The following GPM6A variants were observed in gnomAD, a reference collection of about 807,000 sequenced individuals.
GPM6A encodes the protein neuronal membrane glycoprotein M6-a.
A neutral mutation model predicts 32.1 loss-of-function variants in GPM6A; 7 were observed. The ratio of observed to expected loss-of-function variants is 0.22; its 90% CI spans 0.12 to 0.41. The LOEUF (loss-of-function observed/expected upper bound fraction) is 0.41. Among genes scored for constraint, GPM6A ranks in the 10% least tolerant of loss-of-function variants. The pLI is 1.00. For missense variants in GPM6A, 235 were observed against 347.2 expected (o/e 0.68, Z 2.57); for synonymous variants, 130 against 123.4 (o/e 1.05, Z -0.35).
chr4:175,710,500 T>C (rs1745467549), intron 1 of GPM6A, among the ~76,000 whole-genome samples: 1 of 152,198 alleles, frequency 6.6e-6, no homozygotes, highest in Non-Finnish European at 1.5e-5. Flanking sequence ...GAAAGCTTTT[T>C]AAATCTTCTG....
At chr4:175,689,485 G>A (rs1426472800) in intron 2 of GPM6A, among the ~76,000 whole-genome samples, 1 of 150,464 alleles carries the variant, frequency 6.6e-6, no homozygotes, top group South Asian at 2.1e-4. Context: ...AAATGGAGTT[G>A]TAGAAATATA....
chr4:175,934,211 T>G (rs1311378783), intron 1 of GPM6A, among the ~76,000 whole-genome samples: 1 of 152,194 alleles, frequency 6.6e-6, no homozygotes, highest in Admixed American at 6.5e-5. Context: ...TGCATTCCAT[T>G]GTGGGTAAAT....
At chr4:175,805,703 T>A (rs1226018757) in intron 1 of GPM6A, among the ~76,000 whole-genome samples, 1 of 152,222 alleles carries the variant, frequency 6.6e-6, no homozygotes, top group Admixed American at 6.5e-5. Flanking sequence ...TGTTCTAACA[T>A]GTTGACATCT....
At chr4:175,803,968 G>T (rs868229383) in intron 1 of GPM6A, among the ~76,000 whole-genome samples, 212 of 147,416 alleles carry the variant, frequency 1.4e-3, no homozygotes, top group African/African-American at 5.0e-3. Context: ...CTGTAAAATG[G>T]TTTTTTTTTT....
chr4:175,870,753 T>C (rs545847739), intron 1 of GPM6A, among the ~76,000 whole-genome samples: 7 of 152,300 alleles, frequency 4.6e-5, no homozygotes, highest in East Asian at 1.9e-4. Context: ...GGTTCTCCTA[T>C]GGTTAGACAG....
intron 1 of GPM6A, among the ~76,000 whole-genome samples, chr4:175,928,186 C>T (rs1195327877): frequency 3.9e-5 from 6 of 152,040 alleles, no homozygotes; most frequent in Non-Finnish European, 8.8e-5. Flanking sequence ...TTTTATGAAT[C>T]CTGAAGGCTT....
chr4:175,696,889 A>T (rs1475735902), intron 2 of GPM6A, among the ~76,000 whole-genome samples: 3 of 152,072 alleles, frequency 2.0e-5, no homozygotes, highest in Non-Finnish European at 4.4e-5. Flanking sequence ...ATATAAACCC[A>T]CCCGAAGTTA....
chr4:175,838,198 G>GA (rs1163575420), intron 1 of GPM6A, among the ~76,000 whole-genome samples: 1 of 151,152 alleles, frequency 6.6e-6, no homozygotes, highest in African/African-American at 2.4e-5. Context: ...CAAGAAAAGG[G>GA]ATTGAGAGAA....
At chr4:175,684,919 C>T (rs570826714) in intron 2 of GPM6A, among the ~76,000 whole-genome samples, 4 of 152,090 alleles carry the variant, frequency 2.6e-5, no homozygotes, top group Middle Eastern at 3.4e-3. Flanking sequence ...GACGGAGTCT[C>T]GCTCTGTCGC....
At chr4:175,636,271 T>C (rs1740589511) in intron 6 of GPM6A, among the ~76,000 whole-genome samples, 2 of 57,780 alleles carry the variant, frequency 3.5e-5, no homozygotes, top group African/African-American at 4.7e-5. Flanking sequence ...TATATATATA[T>C]ATATATATAT....
intron 1 of GPM6A, among the ~76,000 whole-genome samples, chr4:175,833,583 T>C (rs952882378): frequency 2.6e-5 from 4 of 152,202 alleles, no homozygotes; most frequent in Non-Finnish European, 4.4e-5. Context: ...TGAAGTCTAA[T>C]TCAGCTTCGT....
intron 1 of GPM6A, among the ~76,000 whole-genome samples, chr4:175,724,554 A>AT (rs79818737): frequency 6.6e-6 from 1 of 151,254 alleles, no homozygotes; most frequent in East Asian, 2.0e-4. Context: ...CAAAAAAAAA[A>AT]TTTTTTTTAA....
Position 175,644,460 on chromosome 4 carries a change from A to T in GPM6A, c.542-3631T>A, listed in dbSNP as rs1264364770. Among the ~76,000 whole-genome samples, 8 of 151,734 alleles carry T rather than the reference A, an allele frequency of 5.3e-5. No individual in the cohort carries two copies. The East Asian group carries it at 1.5e-3, about 29-fold the overall frequency. ...TGTGTATATATACACACACACGCAC[A>T]CATAAAATAAAGTTTTTGTGATAAG... On this transcript the variant is annotated intron_variant, in intron 4 of 6. Transcript: ENST00000393658.
intron 4 of GPM6A, among the ~76,000 whole-genome samples, chr4:175,651,235 G>A (rs1339882566): frequency 3.3e-5 from 5 of 151,754 alleles, no homozygotes; most frequent in Non-Finnish European, 7.4e-5. Context: ...AGTAAACAAT[G>A]TGACACATGT....
At chr4:175,798,539 T>A (rs1198623521) in intron 1 of GPM6A, 1 of 152,180 alleles carries the variant, frequency 6.6e-6, no homozygotes, top group African/African-American at 2.4e-5. Flanking sequence ...AGCAATGTGG[T>A]AAATTTATGT....
intron 1 of GPM6A, among the ~76,000 whole-genome samples, chr4:175,799,047 C>T (rs1406129986): frequency 1.3e-5 from 2 of 152,106 alleles, no homozygotes; most frequent in Non-Finnish European, 2.9e-5. Context: ...TTAAAATATA[C>T]GAGTCTACCC....
intron 1 of GPM6A, among the ~76,000 whole-genome samples, chr4:175,897,448 T>C (rs1737831048): frequency 6.6e-6 from 1 of 152,182 alleles, no homozygotes; most frequent in Non-Finnish European, 1.5e-5. Context: ...GTCAGGTCTC[T>C]TGTATATTGA....
intron 1 of GPM6A, among the ~76,000 whole-genome samples, chr4:175,802,766 A>G (rs903993665): frequency 1.3e-5 from 2 of 152,100 alleles, no homozygotes; most frequent in Non-Finnish European, 2.9e-5. Flanking sequence ...ATATTATGAC[A>G]TAATTTTCCA....
chr4:175,729,862 T>G, intron 1 of GPM6A, among the ~76,000 whole-genome samples: 1 of 146,482 alleles, frequency 6.8e-6, no homozygotes, highest in East Asian at 2.0e-4. Flanking sequence ...ATATATGTAT[T>G]TAATGTATTT....
Sources: allele counts gnomAD v4.1 joint callset (sites outside exome capture counted in the v4.1 genomes callset), GRCh38; gene constraint gnomAD v4.1.1; transcripts MANE v1.5; gene names NCBI Gene and HGNC (gene_info 2026-07-23, HGNC 2026-07-21).